Variants in ZNF469 observed in about 807,000 individuals in gnomAD.
ZNF469 encodes the protein zinc finger protein 469.
ZNF469 carries 1 observed loss-of-function variant against 1.0 expected under a neutral mutation model. That is an observed-to-expected ratio of 1.00 (90% confidence interval 0.35 to 4.73). The LOEUF (loss-of-function observed/expected upper bound fraction) is 4.73. ZNF469 is among the 30% of genes most tolerant of loss of function. The pLI, the probability that ZNF469 is intolerant of heterozygous loss-of-function variation, is 0.16. For missense variants in ZNF469, 6,100 were observed against 5,356.3 expected (o/e 1.14, Z -4.33); for synonymous variants, 2,703 against 2,363.4 (o/e 1.14, Z -4.17).
At chr16:88,281,937 G>C in the ZNF469 span, among the ~76,000 whole-genome samples, 1 of 152,244 alleles carries the variant, frequency 6.6e-6, no homozygotes, top group East Asian at 1.9e-4. Flanking sequence ...ACGGGTCAGT[G>C]CATGGATTGT....
At chr16:88,421,064 C>G (rs1435833502) in intron 1 of ZNF469, among the ~76,000 whole-genome samples, 1 of 151,780 alleles carries the variant, frequency 6.6e-6, no homozygotes, top group Non-Finnish European at 1.5e-5. Context: ...GAACCTGGCT[C>G]TCGAGGGTGC....
At chr16:88,134,011 A>G in the ZNF469 span, among the ~76,000 whole-genome samples, 36 of 152,192 alleles carry the variant, frequency 2.4e-4, no homozygotes, top group African/African-American at 7.5e-4. Flanking sequence ...AGGACAATCA[A>G]TAGAACCCCC....
chr16:88,267,759 G>T, the ZNF469 span, among the ~76,000 whole-genome samples: 1 of 150,614 alleles, frequency 6.6e-6, no homozygotes, highest in Admixed American at 6.6e-5. Context: ...TGGGGGCAGG[G>T]GGTCAGCAGG....
chr16:88,343,076 A>G, the ZNF469 span, among the ~76,000 whole-genome samples: 1 of 151,892 alleles, frequency 6.6e-6, no homozygotes, highest in African/African-American at 2.4e-5. Flanking sequence ...CCTGTCTCAC[A>G]CCCCTTGTGG....
At chr16:88,380,051 ACACACACATACT>A (rs991347087), upstream of ZNF469, among the ~76,000 whole-genome samples, 12 of 152,104 alleles carry the variant, frequency 7.9e-5, no homozygotes, top group Admixed American at 2.0e-4. Flanking sequence ...ATGCAGTCAC[ACACACACATACT>A]CACACACAGA....
chr16:88,372,431 TCATCATCACCATCAC>T, the ZNF469 span, among the ~76,000 whole-genome samples: 2 of 132,956 alleles, frequency 1.5e-5, no homozygotes, highest in African/African-American at 6.1e-5. Flanking sequence ...ATCATCACCA[TCATCATCACCATCAC>T]CATCATCACC....
At chr16:88,102,750 C>T in the ZNF469 span, among the ~76,000 whole-genome samples, 1 of 152,218 alleles carries the variant, frequency 6.6e-6, no homozygotes, top group Non-Finnish European at 1.5e-5. Context: ...AGAAACCCTC[C>T]CTGGGGTAGG....
chr16:88,360,195 T>C, the ZNF469 span, among the ~76,000 whole-genome samples: 1 of 151,920 alleles, frequency 6.6e-6, no homozygotes, highest in Admixed American at 6.6e-5. Flanking sequence ...TAATTTTGTA[T>C]TTTTAGTAGA....
At chr16:88,421,187 C>G (rs1315822369) in intron 1 of ZNF469, among the ~76,000 whole-genome samples, 2 of 152,158 alleles carry the variant, frequency 1.3e-5, no homozygotes, top group African/African-American at 4.8e-5. Context: ...GGTGGGGGCA[C>G]CCCTCCTTTC....
At chr16:88,210,107 C>T in the ZNF469 span, among the ~76,000 whole-genome samples, 9 of 152,156 alleles carry the variant, frequency 5.9e-5, no homozygotes, top group African/African-American at 9.7e-5. Flanking sequence ...GAAATGAGAC[C>T]GCAATGTAGC....
the ZNF469 span, among the ~76,000 whole-genome samples, chr16:88,267,878 T>C: frequency 2.0e-5 from 3 of 152,300 alleles, no homozygotes; most frequent in African/African-American, 7.2e-5. Context: ...TGCCGGGTCC[T>C]GAGTAAGCCG....
intron 1 of ZNF469, among the ~76,000 whole-genome samples, chr16:88,391,734 G>A (rs1904497683): frequency 2.0e-5 from 3 of 152,196 alleles, no homozygotes; most frequent in South Asian, 2.1e-4. Context: ...GGCTTATGGC[G>A]GCCACATCTC....
chr16:88,117,919 G>C, the ZNF469 span, among the ~76,000 whole-genome samples: 7 of 152,348 alleles, frequency 4.6e-5, no homozygotes, highest in East Asian at 1.3e-3. Flanking sequence ...GGAGGAGCAC[G>C]AGGGGAGGCG....
chr16:88,317,230 C>T, the ZNF469 span, among the ~76,000 whole-genome samples: 1 of 152,220 alleles, frequency 6.6e-6, no homozygotes, highest in African/African-American at 2.4e-5. Flanking sequence ...TCCCAACTGC[C>T]TCTCCAGCGT....
the ZNF469 span, among the ~76,000 whole-genome samples, chr16:88,162,638 A>T: frequency 2.0e-5 from 3 of 152,018 alleles, no homozygotes; most frequent in Non-Finnish European, 2.9e-5. Flanking sequence ...AGGCATTTCA[A>T]AAAAGCATTT....
the ZNF469 span, among the ~76,000 whole-genome samples, chr16:88,326,880 G>A: frequency 0.15 from 23,044 of 152,142 alleles, 2,287 homozygotes; most frequent in East Asian, 0.26. Flanking sequence ...AAACTGGGCA[G>A]AGTACCCAAT....
chr16:88,266,764 A>G, the ZNF469 span, among the ~76,000 whole-genome samples: 1 of 152,328 alleles, frequency 6.6e-6, no homozygotes, highest in African/African-American at 2.4e-5. Context: ...AGCTGTGGAT[A>G]AAACTGGTCC....
At chr16:88,122,488 G>A in the ZNF469 span, among the ~76,000 whole-genome samples, 140 of 149,160 alleles carry the variant, frequency 9.4e-4, no homozygotes, top group Non-Finnish European at 1.3e-3. Context: ...CCCGTCACTC[G>A]CTATGGCCAC....
At chr16:88,258,780 G>A in the ZNF469 span, among the ~76,000 whole-genome samples, 1 of 152,198 alleles carries the variant, frequency 6.6e-6, no homozygotes, top group Non-Finnish European at 1.5e-5. Flanking sequence ...TGGAACTTGC[G>A]TTCTGGCAGT....
Sources: allele counts gnomAD v4.1 joint callset (sites outside exome capture counted in the v4.1 genomes callset), GRCh38; gene constraint gnomAD v4.1.1; transcripts MANE v1.5; gene names NCBI Gene and HGNC (gene_info 2026-07-23, HGNC 2026-07-21).